The following NGEF variants were observed in gnomAD, a reference collection of about 807,000 sequenced individuals.
NGEF encodes ephexin-1.
NGEF carries 31 observed loss-of-function variants against 80.9 expected under a neutral mutation model. The ratio of observed to expected loss-of-function variants is 0.38; its 90% CI spans 0.29 to 0.52. The LOEUF (loss-of-function observed/expected upper bound fraction) is 0.52, where lower values mean the gene tolerates loss of function less well. NGEF is among the 20% of genes least tolerant of loss of function. The probability of loss-of-function intolerance (pLI) is 0.84; values close to 1 mark genes in which losing one functional copy is unlikely to be tolerated. For synonymous variants in NGEF, 371 were observed against 370.2 expected (o/e 1.00, Z -0.03); for missense variants, 709 against 926.2 (o/e 0.77, Z 3.04).
At chr2:232,883,172 G>T in intron 12 of NGEF, 139 bp downstream of exon 12, 1 of 1,079,540 alleles carries the variant, frequency 9.3e-7, no homozygotes, top group Non-Finnish European at 1.3e-6. Flanking sequence ...CGCAGGGTCT[G>T]GACGGGAAGG....
chr2:232,935,140 G>C (rs1159453849), intron 3 of NGEF, among the ~76,000 whole-genome samples: 2 of 152,104 alleles, frequency 1.3e-5, no homozygotes, highest in African/African-American at 4.8e-5. Flanking sequence ...CTAAACATTG[G>C]AAGCAAAGTG....
At chr2:232,958,361 T>G (rs1693875272) in intron 3 of NGEF, among the ~76,000 whole-genome samples, 1 of 152,162 alleles carries the variant, frequency 6.6e-6, no homozygotes, top group Admixed American at 6.6e-5. Flanking sequence ...AGAGCCTTGG[T>G]CTGCACAGTC....
At chr2:232,903,925 G>A (rs1692426398) in intron 5 of NGEF, among the ~76,000 whole-genome samples, 1 of 152,174 alleles carries the variant, frequency 6.6e-6, no homozygotes. Context: ...CGCTTAAGTT[G>A]TGAAACAGGC....
chr2:232,973,030 T>A (rs570699746), intron 2 of NGEF, among the ~76,000 whole-genome samples: 248 of 152,212 alleles, frequency 1.6e-3, no homozygotes, highest in African/African-American at 5.5e-3. Flanking sequence ...GTGCTGGGAT[T>A]ATAGGTGTGA....
intron 8 of NGEF, among the ~76,000 whole-genome samples, chr2:232,888,671 T>C (rs1691785494): frequency 6.6e-6 from 1 of 152,070 alleles, no homozygotes. Flanking sequence ...ACGCTTAGGG[T>C]CAGCTCTGTC....
At chr2:232,889,804 A>C (rs1479830729) in intron 8 of NGEF, among the ~76,000 whole-genome samples, 1 of 152,114 alleles carries the variant, frequency 6.6e-6, no homozygotes, top group Non-Finnish European at 1.5e-5. Flanking sequence ...CTCCTGGGTC[A>C]GGCCTCCTCT....
At chr2:232,880,864 C>A (rs895839873) in intron 14 of NGEF, among the ~76,000 whole-genome samples, 4 of 152,130 alleles carry the variant, frequency 2.6e-5, no homozygotes, top group Admixed American at 2.0e-4. Context: ...GAGGGGGACA[C>A]GAAGCCACCC....
chr2:232,879,686 AGGGAG>A lies in NGEF; in HGVS notation c.1943-12_1943-8del. The A allele has an allele frequency of 6.2e-7, 1 of 1,603,916 alleles. No homozygotes were observed. Among genetic ancestry groups the A allele is most frequent in the Non-Finnish European group, 8.5e-7 (1 of 1,172,310 alleles). ...CGCTCGCCAAAGATCCACCCTGTGC[AGGGAG>A]GGGAGGGAGAGAAGGTCAGTGCTCC... is the stretch of plus-strand genomic sequence containing the variant. On this transcript the variant is annotated splice_region_variant and splice_polypyrimidine_tract_variant and intron_variant, in intron 14 of 14. Coordinates refer to ENST00000264051, the MANE Select transcript of NGEF (RefSeq NM_019850.3).
chr2:232,968,339 C>T (rs1451919901), intron 3 of NGEF, among the ~76,000 whole-genome samples: 2 of 151,922 alleles, frequency 1.3e-5, no homozygotes, highest in Non-Finnish European at 2.9e-5. Flanking sequence ...CTGCCCACCT[C>T]GGCTTCCCAA....
At chr2:232,948,248 C>T (rs146287308) in intron 3 of NGEF, among the ~76,000 whole-genome samples, 9 of 151,514 alleles carry the variant, frequency 5.9e-5, no homozygotes, top group African/African-American at 1.5e-4. Flanking sequence ...GAGTGCAGCG[C>T]GAAATGTTGG....
intron 14 of NGEF, 86 bp from the exon 15 acceptor site, chr2:232,879,765 C>G (rs978995062): frequency 2.3e-6 from 3 of 1,326,676 alleles, no homozygotes; most frequent in African/African-American, 2.9e-5. Flanking sequence ...GGGCCCCCAT[C>G]TGTGGCGGGA....
intron 1 of NGEF, among the ~76,000 whole-genome samples, chr2:232,988,227 C>T (rs1574655333): frequency 6.6e-6 from 1 of 152,260 alleles, no homozygotes; most frequent in East Asian, 1.9e-4. Context: ...TCCAGGCCAG[C>T]TCCTTGCCAC....
At chr2:232,928,027 G>A in intron 3 of NGEF, 3 of 1,193,224 alleles carry the variant, frequency 2.5e-6, no homozygotes, top group Non-Finnish European at 1.0e-6. Context: ...GGGTGCGGGG[G>A]CCGGGTCGGG....
At position 232,885,951 on chromosome 2, in the gene NGEF, C is replaced by A. The variant is rs150970675; in HGVS notation, c.1348-582G>T. ...CAGCCTCAACAGCCATCAGTGGATTCGATTAAAATAGTTATGATCTATGCA... is the reference window on the plus strand; with the variant it reads ...CAGCCTCAACAGCCATCAGTGGATTAGATTAAAATAGTTATGATCTATGCA... On this transcript the variant is annotated intron_variant, in intron 9 of 14. Transcript: ENST00000264051. Among the ~76,000 whole-genome samples the A allele has an allele frequency of 2.5e-3, 374 of 152,304 alleles. 3 individuals carry two copies. The highest frequency in any genetic ancestry group is 8.7e-3 in the African/African-American group (363 of 41,560).
chr2:232,887,929 A>T (rs2250665), intron 9 of NGEF, 104 bp downstream of exon 9: 522,482 of 873,830 alleles, frequency 0.6, 159,827 homozygotes, highest in East Asian at 0.69. Context: ...AAATTTGCAT[A>T]TTCTAAAAAG....
In NGEF at chr2:232,894,776, G is replaced by A. The variant is rs545434272; in HGVS notation, c.969C>T (p.Asp323=). 2.2e-5 allele frequency: 35 copies of A among 1,605,728 alleles called. No homozygotes were observed. Among genetic ancestry groups the A allele is most frequent in the Admixed American group, 6.7e-5 (4 of 59,934 alleles). Residue 323 remains aspartate (D), a synonymous_variant, in exon 6 of 15, where the codon GAC becomes GAT. Coordinates refer to ENST00000264051, the MANE Select transcript of NGEF (RefSeq NM_019850.3). ...CTCACCGCTCACTGACAGCCAGCAC[G>A]TCCAGGACGTTGGAGAAGAGGATGT... is the stretch of plus-strand genomic sequence containing the variant. The part of the protein sequence containing the change: ...EAHILFSNVL[D]VLAVSERFLL...
chr2:232,939,951 C>G (rs559598904), intron 3 of NGEF, among the ~76,000 whole-genome samples: 1 of 151,644 alleles, frequency 6.6e-6, no homozygotes, highest in South Asian at 2.1e-4. Context: ...GAGCCGAGAT[C>G]ATGTCACTGC....
intron 3 of NGEF, among the ~76,000 whole-genome samples, chr2:232,955,375 A>T (rs1044580414): frequency 6.6e-5 from 10 of 152,090 alleles, no homozygotes; most frequent in Non-Finnish European, 1.5e-4. Flanking sequence ...TGACCCTCAG[A>T]CTCCATTCAG....
intron 3 of NGEF, among the ~76,000 whole-genome samples, chr2:232,949,406 G>C (rs570691151): frequency 6.6e-6 from 1 of 152,092 alleles, no homozygotes; most frequent in East Asian, 1.9e-4. Context: ...TATCTTTACT[G>C]CTTTTCACAT....
Sources: allele counts gnomAD v4.1 joint callset (sites outside exome capture counted in the v4.1 genomes callset), GRCh38; gene constraint gnomAD v4.1.1; transcripts MANE v1.5; gene names NCBI Gene and HGNC (gene_info 2026-07-23, HGNC 2026-07-21).